GPR89B: variants seen among roughly 807,000 people sequenced by gnomAD.
The protein encoded by GPR89B is G protein-coupled receptor 89B.
GPR89B carries 25 observed loss-of-function variants against 52.4 expected under a neutral mutation model. The ratio of observed to expected loss-of-function variants is 0.48; its 90% CI spans 0.35 to 0.67. GPR89B has a LOEUF of 0.67. Among genes scored for constraint, GPR89B ranks in the 30% least tolerant of loss-of-function variants. The probability of loss-of-function intolerance (pLI) is 0.01; values close to 1 mark genes in which losing one functional copy is unlikely to be tolerated. For missense variants in GPR89B, 146 were observed against 450.2 expected (o/e 0.32, Z 6.11); for synonymous variants, 52 against 151.2 (o/e 0.34, Z 4.81).
intron 1 of GPR89B, among the ~76,000 whole-genome samples, chr1:147,935,180 G>A (rs6593840): frequency 0.011 from 1,611 of 152,218 alleles, 24 homozygotes; most frequent in African/African-American, 0.037. Context: ...GGGAGTAAAT[G>A]GCATAACTGG....
In GPR89B at chr1:147,982,987, C is replaced by T. The variant is rs1436459074; in HGVS notation, c.910-3212C>T. Among the ~76,000 whole-genome samples the T allele has an allele frequency of 9.9e-3, 1,508 of 152,100 alleles. 22 individuals are homozygous for T. The highest frequency in any genetic ancestry group is 0.035 in the African/African-American group (1,440 of 41,466). On this transcript the variant is annotated intron_variant, in intron 10 of 13. Transcript: ENST00000314163. The stretch of plus-strand genomic sequence containing the variant: ...TATAAGAATGCTTGTGATTTTTGTA[C>T]ATTGGCACCGAACAGAGCCCTCAGA...
chr1:147,931,560 T>TTGTG (rs56311138), intron 1 of GPR89B, among the ~76,000 whole-genome samples: 2 of 151,604 alleles, frequency 1.3e-5, no homozygotes, highest in African/African-American at 4.8e-5. Flanking sequence ...CTCCAGCTAC[T>TTGTG]TGTGTGTGTG....
chr1:147,937,083 A>C (rs587739268), intron 2 of GPR89B, among the ~76,000 whole-genome samples: 2 of 152,118 alleles, frequency 1.3e-5, no homozygotes, highest in African/African-American at 4.8e-5. Context: ...CCAGTCCCCA[A>C]TATTTCAACA....
chr1:147,989,973 A>G (rs1571323314), intron 12 of GPR89B, among the ~76,000 whole-genome samples: 1 of 152,252 alleles, frequency 6.6e-6, no homozygotes, highest in African/African-American at 2.4e-5. Context: ...CTTTGGGTAT[A>G]TACCCAGTAA....
the GPR89B span, among the ~76,000 whole-genome samples, chr1:148,000,282 G>A: frequency 6.6e-6 from 1 of 150,450 alleles, no homozygotes; most frequent in South Asian, 2.1e-4. Flanking sequence ...TCAACTTTAA[G>A]CACATAAACG....
At chr1:148,001,941 G>C in the GPR89B span, among the ~76,000 whole-genome samples, 1 of 151,820 alleles carries the variant, frequency 6.6e-6, no homozygotes, top group Non-Finnish European at 1.5e-5. Context: ...ACCCATGCTG[G>C]CATTTTAGTA....
intron 7 of GPR89B, among the ~76,000 whole-genome samples, chr1:147,959,548 A>C (rs1272562525): frequency 3.8e-4 from 57 of 151,730 alleles, no homozygotes; most frequent in African/African-American, 1.3e-3. Flanking sequence ...GCCACCACCC[A>C]CCCTCCCAGC....
intron 1 of GPR89B, among the ~76,000 whole-genome samples, chr1:147,933,533 C>T (rs1156568680): frequency 2.6e-4 from 39 of 152,068 alleles, no homozygotes; most frequent in African/African-American, 9.2e-4. Context: ...GCTGGCTGTC[C>T]CTCAGGCCCT....
At chr1:147,972,171 G>T (rs1310899290) in intron 10 of GPR89B, among the ~76,000 whole-genome samples, 1 of 148,266 alleles carries the variant, frequency 6.7e-6, no homozygotes, top group Non-Finnish European at 1.5e-5. Context: ...CTTTTGTATT[G>T]CTGAGTAGTG....
the GPR89B span, chr1:148,010,017 TC>T: frequency 5.8e-6 from 1 of 173,908 alleles, no homozygotes; most frequent in Admixed American, 5.9e-5. Context: ...TACTGAACCA[TC>T]AGTGTTCCAT....
intron 7 of GPR89B, among the ~76,000 whole-genome samples, chr1:147,963,818 C>A (rs1207941142): frequency 6.6e-6 from 1 of 152,124 alleles, no homozygotes; most frequent in Non-Finnish European, 1.5e-5. Flanking sequence ...CGTTACCACA[C>A]CCCAACAATT....
At chr1:147,973,704 G>A (rs1373649568) in intron 10 of GPR89B, among the ~76,000 whole-genome samples, 12 of 151,512 alleles carry the variant, frequency 7.9e-5, no homozygotes, top group Non-Finnish European at 1.3e-4. Context: ...TTGCTTTTGT[G>A]GCAATTGCTT....
intron 12 of GPR89B, among the ~76,000 whole-genome samples, chr1:147,989,896 G>A (rs1658936036): frequency 6.6e-6 from 1 of 152,124 alleles, no homozygotes; most frequent in Non-Finnish European, 1.5e-5. Flanking sequence ...ATAGTGAATA[G>A]TATGAATATT....
intron 5 of GPR89B, among the ~76,000 whole-genome samples, chr1:147,947,922 C>T (rs587657432): frequency 5.0e-4 from 76 of 152,234 alleles, no homozygotes; most frequent in African/African-American, 1.8e-3. Context: ...AGGATTTATT[C>T]GTTCATTTAG....
the GPR89B span, among the ~76,000 whole-genome samples, chr1:148,017,495 G>A: frequency 6.6e-6 from 1 of 150,598 alleles, no homozygotes; most frequent in Admixed American, 6.6e-5. Context: ...AGCACTTTGG[G>A]AGGCCGAGGT....
chr1:148,005,798 A>G, the GPR89B span, among the ~76,000 whole-genome samples: 1,287 of 149,954 alleles, frequency 8.6e-3, 19 homozygotes, highest in African/African-American at 0.029. Context: ...CTGGGGAGTA[A>G]CACAGAGATC....
Position 147,930,589 on chromosome 1 carries a change from G to A in GPR89B, c.42+2011G>A, listed in dbSNP as rs587668074. Among the ~76,000 whole-genome samples, 53 of 151,988 alleles carry A rather than the reference G, an allele frequency of 3.5e-4. No homozygotes were observed. In the South Asian group the frequency reaches 5.0e-3, roughly 14 times the overall value. On this transcript the variant is annotated intron_variant, in intron 1 of 13. Coordinates refer to ENST00000314163, the MANE Select transcript of GPR89B (RefSeq NM_016334.5). ...TCTCTAGAGAGGTGTGGTTACCTTG[G>A]AAACACCACCATTGCCCCCTGCGCC...
At chr1:147,933,729 C>T (rs1553247423) in intron 1 of GPR89B, among the ~76,000 whole-genome samples, 1 of 151,488 alleles carries the variant, frequency 6.6e-6, no homozygotes, top group Admixed American at 6.6e-5. Context: ...CTGTTTTCTC[C>T]TCTTCTGTCA....
intron 5 of GPR89B, among the ~76,000 whole-genome samples, chr1:147,949,575 T>A (rs1175816722): frequency 1.1e-4 from 14 of 126,438 alleles, no homozygotes; most frequent in Admixed American, 3.0e-4. Context: ...GGCGGGGGGC[T>A]GACCCCCCCA....
Sources: allele counts gnomAD v4.1 joint callset (sites outside exome capture counted in the v4.1 genomes callset), GRCh38; gene constraint gnomAD v4.1.1; transcripts MANE v1.5; gene names NCBI Gene and HGNC (gene_info 2026-07-23, HGNC 2026-07-21).